Variants in ADAMTSL3 observed in about 807,000 individuals in gnomAD.
ADAMTSL3 encodes the protein ADAMTS like 3, also known as ADAMTS-like protein 3.
Under a neutral mutation model 201.7 loss-of-function variants are expected in ADAMTSL3, and 128 were observed. The observed-to-expected ratio is 0.63, with a 90% CI of 0.55 to 0.73. The LOEUF (loss-of-function observed/expected upper bound fraction) is 0.73. Ranked by LOEUF, ADAMTSL3 falls within the 30% of genes least tolerant of loss-of-function variation. The probability of loss-of-function intolerance (pLI) is 0.00; values close to 1 mark genes in which losing one functional copy is unlikely to be tolerated. For synonymous variants in ADAMTSL3, 738 were observed against 748.4 expected, an observed-to-expected ratio of 0.99 and a Z score of 0.23; for missense variants, 1,990 against 2,119.6, an observed-to-expected ratio of 0.94 and a Z score of 1.20.
chr15:83,738,649 T>C (rs1050462308), intron 3 of ADAMTSL3, among the ~76,000 whole-genome samples: 2 of 151,856 alleles, frequency 1.3e-5, no homozygotes, highest in Non-Finnish European at 2.9e-5. Context: ...ATCCCAGCAC[T>C]TTGGGAGGCT....
chr15:83,920,124 T>C (rs900833136), intron 16 of ADAMTSL3, among the ~76,000 whole-genome samples: 1 of 152,226 alleles, frequency 6.6e-6, no homozygotes, highest in Non-Finnish European at 1.5e-5. Context: ...CTATTTTGCA[T>C]AGTGGAGTAC....
chr15:83,705,242 T>A (rs897856261), intron 3 of ADAMTSL3, among the ~76,000 whole-genome samples: 2 of 152,092 alleles, frequency 1.3e-5, no homozygotes, highest in African/African-American at 4.8e-5. Context: ...GGGTGGACTT[T>A]AAGATGATGT....
chr15:83,969,078 A>C (rs999918148), intron 19 of ADAMTSL3, among the ~76,000 whole-genome samples: 1 of 152,114 alleles, frequency 6.6e-6, no homozygotes, highest in Non-Finnish European at 1.5e-5. Flanking sequence ...GGTGCAGCAA[A>C]CCACCATGGC....
chr15:83,761,539 T>G (rs546643058), intron 3 of ADAMTSL3, among the ~76,000 whole-genome samples: 13 of 152,212 alleles, frequency 8.5e-5, no homozygotes, highest in Non-Finnish European at 1.9e-4. Flanking sequence ...CTGGAGGACA[T>G]TTTTGCTTTT....
intron 2 of ADAMTSL3, among the ~76,000 whole-genome samples, chr15:83,657,859 C>T (rs2061111864): frequency 6.6e-6 from 1 of 152,172 alleles, no homozygotes; most frequent in Non-Finnish European, 1.5e-5. Flanking sequence ...GGTAGGTCAG[C>T]CCTGTGTCCC....
intron 10 of ADAMTSL3, among the ~76,000 whole-genome samples, chr15:83,888,907 A>C (rs1242709718): frequency 6.6e-6 from 1 of 152,156 alleles, no homozygotes; most frequent in South Asian, 2.1e-4. Context: ...CAGGACTTTA[A>C]ATGTATTTTT....
Position 83,838,084 on chromosome 15 carries a change from GGCAGGCAGTGGGCTGC to G in ADAMTSL3, c.601-3_613del. The G allele has an allele frequency of 2.5e-6, 4 of 1,605,556 alleles. No individual in the cohort carries two copies. The highest frequency in any genetic ancestry group is 3.4e-6 in the Non-Finnish European group (4 of 1,176,876). On this transcript the variant is annotated splice_acceptor_variant and splice_polypyrimidine_tract_variant and coding_sequence_variant and intron_variant, in exon 7 of 30. Transcript: ENST00000286744. LOFTEE classifies it high-confidence loss of function. ...CACCACTGACTGCCATGCTTCTGTT[GGCAGGCAGTGGGCTGC>G]GATCGGCAACTGGGAAGCAATGCCA...
chr15:83,785,458 G>A (rs533177287), intron 4 of ADAMTSL3, among the ~76,000 whole-genome samples: 2 of 152,250 alleles, frequency 1.3e-5, no homozygotes, highest in South Asian at 2.1e-4. Flanking sequence ...GGTGTACGGT[G>A]TTGCTTATAG....
At chr15:83,941,355 A>G (rs966625875) in intron 17 of ADAMTSL3, among the ~76,000 whole-genome samples, 2 of 152,032 alleles carry the variant, frequency 1.3e-5, no homozygotes, top group African/African-American at 4.8e-5. Flanking sequence ...TTTTCAGAGA[A>G]ATAATATTTT....
intron 17 of ADAMTSL3, among the ~76,000 whole-genome samples, chr15:83,932,030 G>A (rs1400451690): frequency 2.0e-5 from 3 of 152,100 alleles, no homozygotes; most frequent in Non-Finnish European, 4.4e-5. Context: ...CAGAAAATCA[G>A]GGACGATAAG....
At chr15:83,829,803 G>A (rs1005858845) in intron 6 of ADAMTSL3, among the ~76,000 whole-genome samples, 7 of 152,220 alleles carry the variant, frequency 4.6e-5, no homozygotes, top group African/African-American at 1.7e-4. Flanking sequence ...TCATTCAGGA[G>A]CAGGTTGTTC....
intron 13 of ADAMTSL3, among the ~76,000 whole-genome samples, chr15:83,895,787 AT>A: frequency 7.1e-6 from 1 of 139,924 alleles, no homozygotes; most frequent in Non-Finnish European, 1.6e-5. Context: ...ATATATATAT[AT>A]CTCAAATTGA....
chr15:83,824,470 A>G (rs2063975246), intron 6 of ADAMTSL3, among the ~76,000 whole-genome samples: 1 of 152,210 alleles, frequency 6.6e-6, no homozygotes, highest in Admixed American at 6.5e-5. Flanking sequence ...CGATGAACCT[A>G]CACTGACACA....
intron 19 of ADAMTSL3, among the ~76,000 whole-genome samples, chr15:83,964,472 G>GA (rs1248957439): frequency 2.0e-5 from 3 of 151,900 alleles, no homozygotes; most frequent in Admixed American, 2.0e-4. Flanking sequence ...GAAGATTAGA[G>GA]AAAAAAGAAT....
At chr15:83,934,912 G>A (rs1325014934) in intron 17 of ADAMTSL3, among the ~76,000 whole-genome samples, 6 of 152,168 alleles carry the variant, frequency 3.9e-5, no homozygotes, top group Non-Finnish European at 8.8e-5. Flanking sequence ...GGATGCAACT[G>A]GAGGCCATTA....
chr15:83,735,281 A>T (rs1048683643), intron 3 of ADAMTSL3, among the ~76,000 whole-genome samples: 3 of 152,140 alleles, frequency 2.0e-5, no homozygotes, highest in African/African-American at 7.2e-5. Flanking sequence ...ATTTGATCTG[A>T]GCTTTCTAGC....
chr15:84,025,128 A>G, intron 26 of ADAMTSL3, 110 bp from the exon 27 acceptor site: 1 of 869,076 alleles, frequency 1.2e-6, no homozygotes, highest in Non-Finnish European at 1.7e-6. Context: ...GAGACATGTG[A>G]CAGCCTAAGA....
intron 15 of ADAMTSL3, among the ~76,000 whole-genome samples, chr15:83,908,815 A>C (rs1373965860): frequency 1.3e-5 from 2 of 152,212 alleles, no homozygotes; most frequent in Non-Finnish European, 2.9e-5. Context: ...GTGGGTCAGA[A>C]GCCCAGTAGA....
chr15:83,823,884 TTCTTCTTCC>T (rs1260775678), intron 6 of ADAMTSL3, among the ~76,000 whole-genome samples: 2,443 of 108,404 alleles, frequency 0.023, 201 homozygotes, highest in African/African-American at 0.077. Flanking sequence ...CATTTCCTTC[TTCTTCTTCC>T]TCTTCTTCTT....
Sources: gnomAD v4.1 joint callset for allele counts (sites outside exome capture counted in the v4.1 genomes callset) on GRCh38, gnomAD v4.1.1 for gene constraint, MANE v1.5 for transcripts, NCBI Gene and HGNC (gene_info 2026-07-23, HGNC 2026-07-21) for gene names.